Variants in GRID1 observed in about 807,000 individuals in gnomAD.
The protein encoded by GRID1 is glutamate receptor ionotropic, delta-1.
A neutral mutation model predicts 98.0 loss-of-function variants in GRID1; 28 were observed. The ratio of observed to expected loss-of-function variants is 0.29; its 90% confidence interval spans 0.21 to 0.39. GRID1 has a LOEUF of 0.39. GRID1 is among the 10% of genes least tolerant of loss of function. The pLI is 1.00. For synonymous variants in GRID1, 553 were observed against 538.5 expected (o/e 1.03, Z -0.37); for missense variants, 1,111 against 1,340.5 (o/e 0.83, Z 2.67).
chr10:85,952,130 A>G (rs1842133456), intron 4 of GRID1, among the ~76,000 whole-genome samples: 1 of 152,274 alleles, frequency 6.6e-6, no homozygotes, highest in African/African-American at 2.4e-5. Context: ...CTTATAGCAC[A>G]GTGCCTACAT....
intron 8 of GRID1, among the ~76,000 whole-genome samples, chr10:85,799,852 A>G (rs1040350656): frequency 6.6e-6 from 1 of 152,070 alleles, no homozygotes; most frequent in Non-Finnish European, 1.5e-5. Flanking sequence ...CAAAATAGCT[A>G]GAAGAGGGAA....
chr10:85,622,707 C>G (rs1842871656), intron 13 of GRID1, among the ~76,000 whole-genome samples: 1 of 152,138 alleles, frequency 6.6e-6, no homozygotes. Flanking sequence ...GGGCTTATGT[C>G]TCAGATCGAG....
intron 4 of GRID1, among the ~76,000 whole-genome samples, chr10:85,947,741 GCCAC>G (rs1842071204): frequency 1.3e-5 from 2 of 152,240 alleles, no homozygotes; most frequent in South Asian, 2.1e-4. Flanking sequence ...AAAGCATAAA[GCCAC>G]GCTATGAAAG....
chr10:86,221,987 CA>C (rs1846261710), intron 2 of GRID1, among the ~76,000 whole-genome samples: 1 of 152,064 alleles, frequency 6.6e-6, no homozygotes, highest in Non-Finnish European at 1.5e-5. Flanking sequence ...AGGGCCATCA[CA>C]GAAACAGGGG....
intron 5 of GRID1, among the ~76,000 whole-genome samples, chr10:85,895,742 AT>A (rs1172884780): frequency 6.6e-6 from 1 of 152,102 alleles, no homozygotes; most frequent in Non-Finnish European, 1.5e-5. Context: ...TAAATTGAAA[AT>A]TTTCTTTGAG....
intron 3 of GRID1, among the ~76,000 whole-genome samples, chr10:86,156,073 T>C (rs1186516683): frequency 6.6e-6 from 1 of 152,210 alleles, no homozygotes; most frequent in East Asian, 1.9e-4. Flanking sequence ...TGCAACAAGC[T>C]GCAAAATTCG....
intron 15 of GRID1, 187 bp downstream of exon 15, chr10:85,613,220 T>C: frequency 1.6e-6 from 1 of 644,820 alleles, no homozygotes; most frequent in Non-Finnish European, 2.6e-6. Context: ...AAACATCCCC[T>C]ACATTTCTTC....
rs555470623 is a variant in GRID1 at position 86,082,419 on chromosome 10, GTT to G, written c.726+56398_726+56399del. 1.5e-3 allele frequency among the ~76,000 whole-genome samples: 233 copies of G among 152,308 alleles called. 2 individuals are homozygous for G. Among genetic ancestry groups the G allele is most frequent in the African/African-American group, 5.2e-3 (218 of 41,562 alleles). On this transcript the variant is annotated intron_variant, in intron 4 of 15. Transcript: ENST00000327946. ...GCGGCAGGTGCAGAGCAGGGAGGGA[GTT>G]GGGTTTAAGCAAAATTGTGGTTGCT...
chr10:85,709,890 T>A (rs1303324063), intron 12 of GRID1, among the ~76,000 whole-genome samples: 1 of 152,058 alleles, frequency 6.6e-6, no homozygotes, highest in African/African-American at 2.4e-5. Flanking sequence ...CATCCACATG[T>A]AACCCAAATG....
chr10:86,204,674 C>T (rs370923769), intron 3 of GRID1, among the ~76,000 whole-genome samples: 4 of 152,324 alleles, frequency 2.6e-5, no homozygotes, highest in South Asian at 4.1e-4. Context: ...GCCCTCCCAG[C>T]GGCTGAGGCT....
intron 5 of GRID1, among the ~76,000 whole-genome samples, chr10:85,904,482 G>C (rs1420217741): frequency 6.6e-6 from 1 of 152,168 alleles, no homozygotes; most frequent in African/African-American, 2.4e-5. Flanking sequence ...AAGACTACTA[G>C]AGAGAAGAAA....
At chr10:85,862,628 GGGGGCTTGC>G (rs1182382553) in intron 6 of GRID1, among the ~76,000 whole-genome samples, 5 of 152,186 alleles carry the variant, frequency 3.3e-5, no homozygotes, top group Non-Finnish European at 7.3e-5. Context: ...AGCTCTTGTT[GGGGGCTTGC>G]AGCTCTTGAG....
chr10:85,746,506 T>C (rs550595369), intron 8 of GRID1, among the ~76,000 whole-genome samples: 1 of 152,138 alleles, frequency 6.6e-6, no homozygotes, highest in Non-Finnish European at 1.5e-5. Context: ...GTTGTGGAGG[T>C]GACATTTTGT....
At chr10:85,791,015 C>T (rs1411484422) in intron 8 of GRID1, among the ~76,000 whole-genome samples, 1 of 152,208 alleles carries the variant, frequency 6.6e-6, no homozygotes, top group East Asian at 1.9e-4. Flanking sequence ...TCTAATCCTG[C>T]CTTTCCCAGA....
At position 85,915,306 on chromosome 10, in the gene GRID1, CCAAA is replaced by C. The variant is rs924076438; in HGVS notation, c.780+876_780+879del. Among the ~76,000 whole-genome samples the C allele has an allele frequency of 5.3e-5, 8 of 151,946 alleles. No homozygotes were observed. In the South Asian group the frequency reaches 1.0e-3, roughly 20 times the overall value. The stretch of plus-strand genomic sequence containing the variant: ...TATATGCACTTTCATACATACACAC[CCAAA>C]CATATACATACACAAACTCACGTAT... On this transcript the variant is annotated intron_variant, in intron 5 of 15. Coordinates refer to ENST00000327946, the MANE Select transcript of GRID1 (RefSeq NM_017551.3).
chr10:85,905,249 T>C (rs779908894), intron 5 of GRID1, among the ~76,000 whole-genome samples: 37 of 152,180 alleles, frequency 2.4e-4, no homozygotes, highest in Non-Finnish European at 2.1e-4. Context: ...TGAAAGGAAA[T>C]ACTGTTAACC....
chr10:86,010,211 G>T (rs986354442), intron 4 of GRID1, among the ~76,000 whole-genome samples: 2 of 152,214 alleles, frequency 1.3e-5, no homozygotes, highest in Non-Finnish European at 2.9e-5. Context: ...CTTAGAGAAT[G>T]AGCAAACATT....
At chr10:85,739,588 TCAAAACAAAA>T (rs968956586) in intron 8 of GRID1, among the ~76,000 whole-genome samples, 3 of 152,014 alleles carry the variant, frequency 2.0e-5, no homozygotes, top group African/African-American at 4.8e-5. Flanking sequence ...TCAACTCAAC[TCAAAACAAAA>T]CAAAACAAAA....
At chr10:85,925,647 C>A (rs1841764195) in intron 4 of GRID1, among the ~76,000 whole-genome samples, 1 of 152,212 alleles carries the variant, frequency 6.6e-6, no homozygotes, top group South Asian at 2.1e-4. Flanking sequence ...CTGCCTGCAT[C>A]CAAAGACCAA....
Sources: allele counts gnomAD v4.1 joint callset (sites outside exome capture counted in the v4.1 genomes callset), GRCh38; gene constraint gnomAD v4.1.1; transcripts MANE v1.5; gene names NCBI Gene and HGNC (gene_info 2026-07-23, HGNC 2026-07-21).